The following CDC123 variants were observed in gnomAD, a reference collection of about 807,000 sequenced individuals.
CDC123 encodes the protein translation initiation factor eIF2 assembly protein.
Under a neutral mutation model 54.4 loss-of-function variants are expected in CDC123, and 37 were observed. That is an observed-to-expected ratio of 0.68 (90% confidence interval 0.52 to 0.89). CDC123 has a LOEUF of 0.89. Among genes scored for constraint, CDC123 ranks in the 40% least tolerant of loss-of-function variants. The pLI, the probability that CDC123 is intolerant of heterozygous loss-of-function variation, is 0.00. For missense variants in CDC123, 361 were observed against 412.1 expected (o/e 0.88, Z 1.07); for synonymous variants, 144 against 136.8 (o/e 1.05, Z -0.37).
Position 12,230,605 on chromosome 10 carries a change from C to T in CDC123, c.441-343C>T, listed in dbSNP as rs369744350. 1.3e-4 allele frequency among the ~76,000 whole-genome samples: 20 copies of T among 152,318 alleles called. No individual in the cohort carries two copies. In the East Asian group the frequency reaches 1.5e-3, roughly 12 times the overall value. On this transcript the variant is annotated intron_variant, in intron 6 of 12. Transcript: ENST00000281141. ...ATCCATCCTTTGTGTTACAAATGATCCAGTTACACTCTAGTTATTTTAAAA... is the reference window on the plus strand; with the variant it reads ...ATCCATCCTTTGTGTTACAAATGATTCAGTTACACTCTAGTTATTTTAAAA...
At chr10:12,221,148 A>G (rs1044932003) in intron 6 of CDC123, among the ~76,000 whole-genome samples, 1 of 152,040 alleles carries the variant, frequency 6.6e-6, no homozygotes, top group Non-Finnish European at 1.5e-5. Context: ...ACAAAAAAAA[A>G]ATGTTACAGT....
intron 2 of CDC123, among the ~76,000 whole-genome samples, chr10:12,203,795 T>A (rs540682469): frequency 1.4e-4 from 21 of 152,272 alleles, no homozygotes; most frequent in Non-Finnish European, 2.5e-4. Flanking sequence ...CGAAAAATGT[T>A]TTTGAATAAA....
intron 2 of CDC123, among the ~76,000 whole-genome samples, chr10:12,201,810 G>C (rs1835443807): frequency 6.6e-6 from 1 of 152,148 alleles, no homozygotes; most frequent in Non-Finnish European, 1.5e-5. Context: ...CGGGTTAGGA[G>C]GATATTGCAT....
intron 2 of CDC123, among the ~76,000 whole-genome samples, chr10:12,199,486 A>G (rs1482219923): frequency 6.6e-6 from 1 of 152,198 alleles, no homozygotes; most frequent in Non-Finnish European, 1.5e-5. Flanking sequence ...ATGCAGTTTC[A>G]TGAAAACAGG....
At chr10:12,208,934 C>T (rs1330692605) in intron 2 of CDC123, among the ~76,000 whole-genome samples, 3 of 152,212 alleles carry the variant, frequency 2.0e-5, no homozygotes, top group African/African-American at 7.2e-5. Flanking sequence ...GAATTTCTGA[C>T]ACCAGCCCGC....
chr10:12,204,437 A>T (rs1835486394), intron 2 of CDC123, among the ~76,000 whole-genome samples: 1 of 152,210 alleles, frequency 6.6e-6, no homozygotes, highest in Non-Finnish European at 1.5e-5. Context: ...AGCCATGTGT[A>T]TAAGATGTAT....
Position 12,238,670 on chromosome 10 carries a change from G to A in CDC123, c.717+185G>A, listed in dbSNP as rs558921304. The stretch of plus-strand genomic sequence containing the variant: ...GCAGGGAGATCATTTGAGCTCAGGA[G>A]TTCGAGACTAGCCTGGGCAACATAG... On this transcript the variant is annotated intron_variant, in intron 10 of 12. Coordinates refer to ENST00000281141, the MANE Select transcript of CDC123 (RefSeq NM_006023.3). Among the ~76,000 whole-genome samples the A allele has an allele frequency of 7.2e-5, 11 of 152,106 alleles. No individual in the cohort carries two copies. The East Asian group carries it at 2.1e-3, about 29-fold the overall frequency.
At chr10:12,200,159 C>G (rs1022142694) in intron 2 of CDC123, among the ~76,000 whole-genome samples, 1 of 82,730 alleles carries the variant, frequency 1.2e-5, no homozygotes, top group South Asian at 4.6e-4. Context: ...TGGAGTCTTG[C>G]TCTGTCAGCC....
At chr10:12,212,353 A>G (rs1443116202) in intron 4 of CDC123, among the ~76,000 whole-genome samples, 1 of 152,216 alleles carries the variant, frequency 6.6e-6, no homozygotes, top group Non-Finnish European at 1.5e-5. Context: ...AACTTGTGCC[A>G]GAAACTGTGG....
chr10:12,196,350 C>G lies in CDC123; in HGVS notation c.74+31C>G, dbSNP rs1434373192. On this transcript the variant is annotated intron_variant, in intron 1 of 12. Transcript: ENST00000281141. ...ATGGGAGGGGGTTCGCCCGGTCGAC[C>G]GGCAAAAGGGAACTGCGACTTCTGA... 6.8e-6 allele frequency: 11 copies of G among 1,613,534 alleles called. No homozygotes were observed. The Admixed American group carries it at 8.3e-5, about 12-fold the overall frequency.
intron 8 of CDC123, 114 bp downstream of exon 8, chr10:12,235,237 A>G (rs533363971): frequency 2.4e-6 from 2 of 826,684 alleles, no homozygotes; most frequent in East Asian, 2.4e-5. Flanking sequence ...ATCTGTTTTC[A>G]TCTCAGATGC....
In CDC123 at chr10:12,235,095, A is replaced by T. The variant is rs1270702509; in HGVS notation, c.537A>T (p.Arg179=). The T allele has an allele frequency of 6.2e-7, 1 of 1,613,940 alleles. No individual in the cohort carries two copies. ...AATTGATTCCTGGGGCTGAGTTTCG[A>T]TGTTTTGTCAAGGAAAACAAGCTTA... ...WCELIPGAEF[R]CFVKENKLIG... The change falls in exon 8 of 13, where the codon CGA becomes CGT. Residue 179 remains arginine (R), a synonymous_variant. Transcript: ENST00000281141.
chr10:12,212,528 G>A (rs1024011828), intron 4 of CDC123, among the ~76,000 whole-genome samples: 1 of 152,184 alleles, frequency 6.6e-6, no homozygotes, highest in Admixed American at 6.5e-5. Context: ...TAAAAAGACT[G>A]ACTATCACTG....
chr10:12,240,978 G>T (rs920161945), intron 10 of CDC123, among the ~76,000 whole-genome samples: 1 of 152,178 alleles, frequency 6.6e-6, no homozygotes, highest in African/African-American at 2.4e-5. Context: ...AAAGTGAAAT[G>T]TATTTTAATG....
intron 9 of CDC123, 69 bp from the exon 10 acceptor site, chr10:12,238,388 A>G: frequency 1.3e-6 from 2 of 1,540,116 alleles, no homozygotes; most frequent in Non-Finnish European, 1.8e-6. Context: ...ATGTACTTTA[A>G]TTTTCAAAAG....
chr10:12,206,299 A>T (rs1327370585), intron 2 of CDC123, among the ~76,000 whole-genome samples: 2 of 152,250 alleles, frequency 1.3e-5, no homozygotes, highest in South Asian at 2.1e-4. Flanking sequence ...ATTTCATCTT[A>T]TATTGTAAGA....
At position 12,201,097 on chromosome 10, in the gene CDC123, A is replaced by T. The variant is rs1835433830; in HGVS notation, c.146+2321A>T. Among the ~76,000 whole-genome samples, 2 of 152,202 alleles carry T rather than the reference A, an allele frequency of 1.3e-5. 1 individual carries two copies. Among genetic ancestry groups the T allele is most frequent in the South Asian group, 4.1e-4 (2 of 4,830 alleles). On this transcript the variant is annotated intron_variant, in intron 2 of 12. Coordinates refer to ENST00000281141, the MANE Select transcript of CDC123 (RefSeq NM_006023.3). ...TAGTCAGATTGCTTAATTTTAAGTA[A>T]TATCTTTGCTATTTTCTAGCCCTTC...
chr10:12,203,619 A>G (rs1308881931), intron 2 of CDC123, among the ~76,000 whole-genome samples: 2 of 152,116 alleles, frequency 1.3e-5, no homozygotes, highest in Non-Finnish European at 2.9e-5. Context: ...CAGTGATTCA[A>G]TTTCACTGAA....
In CDC123 at chr10:12,200,120, A is replaced by ATTTTTTTTTTTTTTTTTTTTTT. The variant is rs543337462; in HGVS notation, c.146+1346_146+1367dup. 1.7e-4 allele frequency among the ~76,000 whole-genome samples: 10 copies of ATTTTTTTTTTTTTTTTTTTTTT among 59,368 alleles called. 1 individual carries two copies. Among genetic ancestry groups the ATTTTTTTTTTTTTTTTTTTTTT allele is most frequent in the South Asian group, 9.7e-4 (1 of 1,028 alleles). 38.9% of individuals were successfully genotyped at this position (59,368 alleles called of 152,430 possible). ...ATAGGCCTGAGCCACCGCACTCGGC[A>ATTTTTTTTTTTTTTTTTTTTTT]TTTTTTTTTTTTTTTTTTTTTTTAA... On this transcript the variant is annotated intron_variant, in intron 2 of 12. Coordinates refer to ENST00000281141, the MANE Select transcript of CDC123 (RefSeq NM_006023.3).
Sources: gnomAD v4.1 joint callset for allele counts (sites outside exome capture counted in the v4.1 genomes callset) on GRCh38, gnomAD v4.1.1 for gene constraint, MANE v1.5 for transcripts, NCBI Gene and HGNC (gene_info 2026-07-23, HGNC 2026-07-21) for gene names.